COL28A1: variants seen among roughly 807,000 people sequenced by gnomAD.
The protein encoded by COL28A1 is collagen type XXVIII alpha 1 chain.
A neutral mutation model predicts 150.2 loss-of-function variants in COL28A1; 161 were observed. The ratio of observed to expected loss-of-function variants is 1.07; its 90% CI spans 0.94 to 1.22. COL28A1 has a LOEUF of 1.22. COL28A1 is among the 50% of genes most tolerant of loss of function. The pLI is 0.00. For missense variants in COL28A1, 1,617 were observed against 1,388.3 expected (o/e 1.16, Z -2.62); for synonymous variants, 552 against 469.7 (o/e 1.18, Z -2.26).
chr7:7,365,713 A>T (rs1474397244), intron 33 of COL28A1, among the ~76,000 whole-genome samples: 1 of 152,214 alleles, frequency 6.6e-6, no homozygotes, highest in Non-Finnish European at 1.5e-5. Flanking sequence ...CATCTGCATT[A>T]GTGTTTGTGT....
chr7:7,529,578 C>T (rs1414419199), intron 3 of COL28A1, among the ~76,000 whole-genome samples: 2 of 152,266 alleles, frequency 1.3e-5, no homozygotes, highest in East Asian at 3.9e-4. Flanking sequence ...ATTTTGCTTC[C>T]AGTCTACTGC....
chr7:7,382,483 C>T (rs1211581511), intron 27 of COL28A1, among the ~76,000 whole-genome samples: 3 of 152,158 alleles, frequency 2.0e-5, no homozygotes, highest in African/African-American at 4.8e-5. Context: ...TTCTCCATCA[C>T]ATTTTAACAT....
At chr7:7,427,209 G>A (rs1407658759) in intron 25 of COL28A1, among the ~76,000 whole-genome samples, 2 of 152,190 alleles carry the variant, frequency 1.3e-5, no homozygotes, top group Admixed American at 6.5e-5. Flanking sequence ...GAGTAACCTT[G>A]AATAGTCACC....
At chr7:7,408,156 C>T (rs1240832015) in intron 27 of COL28A1, among the ~76,000 whole-genome samples, 2 of 152,084 alleles carry the variant, frequency 1.3e-5, no homozygotes, top group Non-Finnish European at 2.9e-5. Flanking sequence ...TCCTACATTA[C>T]AGCCGTGCTC....
intron 28 of COL28A1, among the ~76,000 whole-genome samples, 194 bp from the exon 29 acceptor site, chr7:7,381,056 A>G (rs1781844356): frequency 2.0e-5 from 3 of 152,204 alleles, no homozygotes; most frequent in African/African-American, 7.2e-5. Flanking sequence ...CTAATTCATG[A>G]TGAACCAGAG....
At chr7:7,443,416 T>A (rs1785969721) in intron 20 of COL28A1, among the ~76,000 whole-genome samples, 169 bp downstream of exon 20, 1 of 152,182 alleles carries the variant, frequency 6.6e-6, no homozygotes, top group Non-Finnish European at 1.5e-5. Flanking sequence ...TAAAAGTGAA[T>A]CATATACGCT....
intron 13 of COL28A1, among the ~76,000 whole-genome samples, chr7:7,478,847 C>T (rs945705420): frequency 5.3e-5 from 8 of 152,208 alleles, no homozygotes; most frequent in African/African-American, 7.2e-5. Flanking sequence ...GTGCGGGGCC[C>T]GCCAAGCCCA....
chr7:7,370,639 G>A, intron 33 of COL28A1, 86 bp downstream of exon 33: 1 of 1,111,818 alleles, frequency 9.0e-7, no homozygotes, highest in East Asian at 2.5e-5. Flanking sequence ...GCTGATTCTT[G>A]ACAATGCAGG....
chr7:7,365,102 C>G (rs950789068), intron 33 of COL28A1, among the ~76,000 whole-genome samples: 1 of 151,466 alleles, frequency 6.6e-6, no homozygotes, highest in Non-Finnish European at 1.5e-5. Context: ...ACACCCAATT[C>G]ACGATAGTGA....
intron 27 of COL28A1, among the ~76,000 whole-genome samples, chr7:7,394,052 G>A (rs368417596): frequency 6.6e-6 from 1 of 152,054 alleles, no homozygotes; most frequent in Admixed American, 6.5e-5. Context: ...GAAACCCAGG[G>A]CCCTGGTGGC....
rs2128358743 is a variant in COL28A1, at chr7:7,480,063, A to G, written c.1165-2883T>C. On this transcript the variant is annotated intron_variant, in intron 13 of 34. Transcript: ENST00000399429. ...AAGTTCCTAAACCAGCACACTACAG[A>G]CACTGAATGATGTTTGGGCTTGAGA... Among the ~76,000 whole-genome samples, 3 of 152,346 alleles carry G rather than the reference A, an allele frequency of 2.0e-5. No individual in the cohort carries two copies. The Middle Eastern group carries it at 0.01, about 518-fold the overall frequency.
At chr7:7,496,969 G>GTGAT (rs1201936950) in intron 11 of COL28A1, among the ~76,000 whole-genome samples, 1 of 150,598 alleles carries the variant, frequency 6.6e-6, no homozygotes, top group African/African-American at 2.4e-5. Flanking sequence ...ACTCAGTGAA[G>GTGAT]TGATGACTGT....
At chr7:7,535,195 T>C (rs1003252548) in intron 1 of COL28A1, among the ~76,000 whole-genome samples, 8 of 152,180 alleles carry the variant, frequency 5.3e-5, no homozygotes, top group Non-Finnish European at 1.0e-4. Flanking sequence ...GAAACAATCA[T>C]AATTATTAAT....
chr7:7,509,315 G>A (rs377239676), intron 9 of COL28A1, among the ~76,000 whole-genome samples: 12 of 152,168 alleles, frequency 7.9e-5, no homozygotes, highest in African/African-American at 2.7e-4. Flanking sequence ...TAGAGACGGG[G>A]CCTCACTATG....
intron 1 of COL28A1, among the ~76,000 whole-genome samples, chr7:7,534,589 T>G (rs1158551736): frequency 6.6e-6 from 1 of 152,276 alleles, no homozygotes; most frequent in East Asian, 1.9e-4. Flanking sequence ...CTGAATTCCA[T>G]TGAGAACTGA....
intron 13 of COL28A1, among the ~76,000 whole-genome samples, chr7:7,478,459 G>C (rs1194182806): frequency 1.3e-5 from 2 of 152,254 alleles, no homozygotes; most frequent in Admixed American, 6.5e-5. Context: ...GTCCCCACTA[G>C]ACCCAGGAGC....
intron 33 of COL28A1, among the ~76,000 whole-genome samples, chr7:7,368,744 T>C (rs1781069827): frequency 6.6e-6 from 1 of 152,212 alleles, no homozygotes; most frequent in African/African-American, 2.4e-5. Context: ...CACCAGATTT[T>C]AGACTTCCCA....
intron 18 of COL28A1, among the ~76,000 whole-genome samples, chr7:7,449,459 G>A (rs1786513214): frequency 6.6e-6 from 1 of 151,748 alleles, no homozygotes; most frequent in African/African-American, 2.4e-5. Context: ...ACACTTAAGA[G>A]TGAAATTTTA....
chr7:7,458,898 G>C lies in COL28A1; in HGVS notation c.1303-2786C>G, dbSNP rs139119357. On this transcript the variant is annotated intron_variant, in intron 15 of 34. Transcript: ENST00000399429. Reference sequence around the variant, plus strand: ...ATAAGAGAGGGTCCCTTTTTGTGCAGTGTTATTGACATTTAAATACCTGTG... The same window carrying C: ...ATAAGAGAGGGTCCCTTTTTGTGCACTGTTATTGACATTTAAATACCTGTG... Among the ~76,000 whole-genome samples, 555 of 152,296 alleles carry C rather than the reference G, an allele frequency of 3.6e-3. 5 individuals carry two copies. The highest frequency in any genetic ancestry group is 0.013 in the African/African-American group (532 of 41,558).
Sources: allele counts gnomAD v4.1 joint callset (sites outside exome capture counted in the v4.1 genomes callset), GRCh38; gene constraint gnomAD v4.1.1; transcripts MANE v1.5; gene names NCBI Gene and HGNC (gene_info 2026-07-23, HGNC 2026-07-21).